The following SSBP2 variants were observed in gnomAD, a reference collection of about 807,000 sequenced individuals.
The protein encoded by SSBP2 is single stranded DNA binding protein 2, also known as single-stranded DNA-binding protein 2.
SSBP2 carries 17 observed loss-of-function variants against 61.8 expected under a neutral mutation model. The observed-to-expected ratio is 0.28, with a 90% CI of 0.19 to 0.41. The LOEUF (loss-of-function observed/expected upper bound fraction) is 0.41. SSBP2 is among the 10% of genes least tolerant of loss of function. The probability of loss-of-function intolerance (pLI) is 1.00; values close to 1 mark genes in which losing one functional copy is unlikely to be tolerated. For synonymous variants in SSBP2, 139 were observed against 141.3 expected, an observed-to-expected ratio of 0.98 and a Z score of 0.12; for missense variants, 310 against 458.7, an observed-to-expected ratio of 0.68 and a Z score of 2.96.
intron 1 of SSBP2, among the ~76,000 whole-genome samples, chr5:81,656,699 T>C (rs1166048221): frequency 6.7e-6 from 1 of 150,012 alleles, no homozygotes; most frequent in African/African-American, 2.4e-5. Context: ...ATAGGAAGAA[T>C]GGTTACACAT....
intron 3 of SSBP2, among the ~76,000 whole-genome samples, chr5:81,617,878 A>C (rs1271095790): frequency 3.8e-5 from 5 of 132,322 alleles, no homozygotes; most frequent in East Asian, 2.2e-4. Flanking sequence ...GGAGAAATAA[A>C]ATACTTTATA....
chr5:81,487,639 C>A (rs530259463), intron 6 of SSBP2, among the ~76,000 whole-genome samples: 109 of 151,778 alleles, frequency 7.2e-4, no homozygotes, highest in Non-Finnish European at 1.4e-3. Context: ...ATTTCATTAA[C>A]AAAGATTCTA....
At chr5:81,498,741 T>C (rs1767477526) in intron 5 of SSBP2, among the ~76,000 whole-genome samples, 1 of 152,066 alleles carries the variant, frequency 6.6e-6, no homozygotes, top group South Asian at 2.1e-4. Flanking sequence ...CAAATCATTT[T>C]TTAAACTTAA....
intron 12 of SSBP2, among the ~76,000 whole-genome samples, chr5:81,445,828 C>T (rs541109769): frequency 2.5e-4 from 38 of 152,042 alleles, no homozygotes; most frequent in African/African-American, 7.2e-4. Context: ...TTAATCATCC[C>T]AAAGTAATAA....
rs761445403 is a variant in SSBP2 at position 81,693,115 on chromosome 5, G to T, written c.63-42776C>A. Among the ~76,000 whole-genome samples, 40 of 149,640 alleles carry T rather than the reference G, an allele frequency of 2.7e-4. 2 individuals carry two copies. The highest frequency in any genetic ancestry group is 6.7e-5 in the Admixed American group (1 of 14,882). ...AGCTACTCAGGAGGCCGAGGCAGGA[G>T]AATCGCTTGAACCTGGAGGCAGAGG... is the stretch of plus-strand genomic sequence containing the variant. On this transcript the variant is annotated intron_variant, in intron 1 of 16. Transcript: ENST00000320672.
intron 10 of SSBP2, among the ~76,000 whole-genome samples, chr5:81,450,198 T>A (rs987970749): frequency 2.0e-5 from 3 of 152,124 alleles, no homozygotes; most frequent in Non-Finnish European, 4.4e-5. Context: ...TAATTTTTAA[T>A]TTTTTGTAGA....
intron 15 of SSBP2, among the ~76,000 whole-genome samples, chr5:81,429,537 C>A (rs774558563): frequency 2.6e-5 from 4 of 152,022 alleles, no homozygotes; most frequent in Admixed American, 2.6e-4. Flanking sequence ...AGTAGTATAA[C>A]TGTAATTCTT....
intron 4 of SSBP2, among the ~76,000 whole-genome samples, chr5:81,527,801 C>T (rs1770066364): frequency 6.6e-6 from 1 of 151,028 alleles, no homozygotes; most frequent in Non-Finnish European, 1.5e-5. Flanking sequence ...GGCTTAAAAC[C>T]TAAATGATGG....
intron 1 of SSBP2, among the ~76,000 whole-genome samples, chr5:81,702,157 G>C (rs1754031125): frequency 6.6e-6 from 1 of 152,090 alleles, no homozygotes; most frequent in Non-Finnish European, 1.5e-5. Context: ...TAGATCACGA[G>C]GTCAGGAGAT....
At chr5:81,519,207 C>T (rs984598781) in intron 4 of SSBP2, among the ~76,000 whole-genome samples, 3 of 152,088 alleles carry the variant, frequency 2.0e-5, no homozygotes, top group Non-Finnish European at 2.9e-5. Flanking sequence ...AAAGACACAG[C>T]AGTAAAGCAG....
At chr5:81,539,166 G>T (rs1771047263) in intron 4 of SSBP2, among the ~76,000 whole-genome samples, 1 of 152,178 alleles carries the variant, frequency 6.6e-6, no homozygotes, top group South Asian at 2.1e-4. Flanking sequence ...CTAGAGTTTG[G>T]AAGTAGTTGA....
At chr5:81,431,326 A>G (rs928568282) in intron 15 of SSBP2, among the ~76,000 whole-genome samples, 1 of 152,158 alleles carries the variant, frequency 6.6e-6, no homozygotes, top group Non-Finnish European at 1.5e-5. Flanking sequence ...CTACTTTAAG[A>G]GTTTTGCTTG....
intron 1 of SSBP2, among the ~76,000 whole-genome samples, chr5:81,666,925 T>C (rs1370307309): frequency 6.6e-6 from 1 of 152,190 alleles, no homozygotes; most frequent in East Asian, 1.9e-4. Context: ...CTTGCTGTAC[T>C]CTATTTCAAT....
At chr5:81,681,137 T>G (rs1752348677) in intron 1 of SSBP2, among the ~76,000 whole-genome samples, 1 of 152,060 alleles carries the variant, frequency 6.6e-6, no homozygotes, top group Admixed American at 6.6e-5. Context: ...AATCCAAAAA[T>G]ATTTGGAGGT....
At chr5:81,594,854 G>C (rs1194218934) in intron 4 of SSBP2, among the ~76,000 whole-genome samples, 1 of 152,054 alleles carries the variant, frequency 6.6e-6, no homozygotes, top group Admixed American at 6.6e-5. Context: ...TGTGTAGAGG[G>C]AAATTTATAG....
intron 1 of SSBP2, among the ~76,000 whole-genome samples, chr5:81,686,989 C>A (rs762370264): frequency 2.6e-5 from 4 of 151,860 alleles, no homozygotes; most frequent in Non-Finnish European, 5.9e-5. Flanking sequence ...AGCAAGAACA[C>A]CGAAGTGAAT....
intron 4 of SSBP2, among the ~76,000 whole-genome samples, chr5:81,571,957 T>C (rs545396688): frequency 1.3e-5 from 2 of 152,252 alleles, no homozygotes; most frequent in East Asian, 3.9e-4. Context: ...GCCTTCCAAC[T>C]CTTCTACCTC....
chr5:81,734,477 A>G (rs1047369254), intron 1 of SSBP2, among the ~76,000 whole-genome samples: 10 of 152,216 alleles, frequency 6.6e-5, no homozygotes, highest in African/African-American at 1.9e-4. Context: ...GAAGACAAGC[A>G]AAACAGACAA....
At chr5:81,622,624 A>G (rs1746712444) in intron 3 of SSBP2, among the ~76,000 whole-genome samples, 1 of 152,186 alleles carries the variant, frequency 6.6e-6, no homozygotes, top group Non-Finnish European at 1.5e-5. Flanking sequence ...TATCATCAAC[A>G]CTATAATTAG....
Sources: allele counts gnomAD v4.1 joint callset (sites outside exome capture counted in the v4.1 genomes callset), GRCh38; gene constraint gnomAD v4.1.1; transcripts MANE v1.5; gene names NCBI Gene and HGNC (gene_info 2026-07-23, HGNC 2026-07-21).